AGO1: variants seen among roughly 807,000 people sequenced by gnomAD.
The protein encoded by AGO1 is protein argonaute-1.
AGO1 carries 11 observed loss-of-function variants against 109.2 expected under a neutral mutation model. The ratio of observed to expected loss-of-function variants is 0.10; its 90% CI spans 0.06 to 0.17. The LOEUF is 0.17. Ranked by LOEUF, AGO1 falls within the 10% of genes least tolerant of loss-of-function variation. AGO1 has a pLI of 1.00. For synonymous variants in AGO1, 422 were observed against 418.6 expected (o/e 1.01, Z -0.10); for missense variants, 574 against 1,140.3 (o/e 0.50, Z 7.15).
In AGO1 at chr1:35,901,883, A is replaced by C; in HGVS notation, c.1141-65A>C. 1.3e-6 allele frequency: 2 copies of C among 1,525,420 alleles called. No individual in the cohort carries two copies. Among genetic ancestry groups the C allele is most frequent in the Non-Finnish European group, 8.8e-7 (1 of 1,137,970 alleles). The allele number at this position is 1,525,420 out of a possible 1,614,324, so 94.5% of individuals were successfully genotyped here. A position where few individuals can be genotyped will look rare whatever the true frequency, so the allele number is the denominator to read the frequency against. On this transcript the variant is annotated intron_variant, in intron 9 of 18. Coordinates refer to ENST00000373204, the MANE Select transcript of AGO1 (RefSeq NM_012199.5). This position sits in a 1 kb window ranked among gnomAD's most constrained non-coding sequence, Gnocchi z 4.8. ...TTCTCCTTAGGGTTCTCTCCTTGAT[A>C]CCCAGAGGGTGAGCAGTATTGCCAA...
rs1645862149 is a variant in AGO1 at position 35,923,087 on chromosome 1, T to TGATCC, written c.*3481_*3485dup. ...CTTTGATTGTTTATCCAGTCCAACC[T>TGATCC]GATCCATTAGGGATCGAGGTGCTAC... On this transcript the variant is annotated 3_prime_UTR_variant, in exon 19 of 19. Transcript: ENST00000373204. 6.6e-6 allele frequency: 1 copy of TGATCC among 152,200 alleles called. No homozygotes were observed. The highest frequency in any genetic ancestry group is 2.1e-4 in the South Asian group (1 of 4,832). 9.4% of individuals were successfully genotyped at this position (152,200 alleles called of 1,614,324 possible).
Position 35,921,033 on chromosome 1 carries a change from G to T in AGO1, c.*1426G>T. On this transcript the variant is annotated 3_prime_UTR_variant, in exon 19 of 19. Coordinates refer to ENST00000373204, the MANE Select transcript of AGO1 (RefSeq NM_012199.5). ...GTTATCGCCCCAAGATGGGGTCCAG[G>T]CTCCATCCTTCCTCTGTGCAGATAA... is the stretch of plus-strand genomic sequence containing the variant. 1 of 152,930 alleles carries T rather than the reference G, an allele frequency of 6.5e-6. No homozygotes were observed. The highest frequency in any genetic ancestry group is 1.5e-5 in the Non-Finnish European group (1 of 68,258). The allele number at this position is 152,930 out of a possible 1,614,324, so 9.5% of individuals were successfully genotyped here. A position where few individuals can be genotyped will look rare whatever the true frequency, so the allele number is the denominator to read the frequency against.
rs1645245042 is a variant in AGO1 at position 35,892,785 on chromosome 1, A to C, written c.330+108A>C. The C allele has an allele frequency of 1.9e-6, 3 of 1,540,738 alleles. No individual in the cohort carries two copies. In the African/African-American group the frequency reaches 4.1e-5, roughly 21 times the overall value. On this transcript the variant is annotated intron_variant, in intron 3 of 18. Transcript: ENST00000373204. ...ATCCTTTTCATCTTTTGTGCTGAGA[A>C]AGTATGTTTTAGGGTGAGGGGTGGG...
intron 1 of AGO1, chr1:35,869,981 ACGAC>A (rs1644934279): frequency 6.6e-6 from 1 of 152,154 alleles, no homozygotes; most frequent in African/African-American, 2.4e-5. Flanking sequence ...AGCGTGGGGA[ACGAC>A]CTGTTGTTGG....
chr1:35,919,021 C>G lies in AGO1; in HGVS notation c.2266-34C>G. 1 of 1,600,810 alleles carries G rather than the reference C, an allele frequency of 6.2e-7. No individual in the cohort carries two copies. The stretch of plus-strand genomic sequence containing the variant: ...CCTATTATCAGCCATCTTCTCTGCC[C>G]AGCCTGGGACCCCTCACCTTCCTAT... On this transcript the variant is annotated intron_variant, in intron 17 of 18. Coordinates refer to ENST00000373204, the MANE Select transcript of AGO1 (RefSeq NM_012199.5). The surrounding 1 kb of genome is among the most constrained non-coding windows in gnomAD (Gnocchi z 6.6).
At position 35,906,938 on chromosome 1, in the gene AGO1, C is replaced by T. The variant is rs1199479145; in HGVS notation, c.1401C>T (p.Asn467=). The T allele has an allele frequency of 6.2e-7, 1 of 1,610,278 alleles. No homozygotes were observed. The highest frequency in any genetic ancestry group is 1.3e-5 in the African/African-American group (1 of 74,862). ...TTGTGACCATGCGTGTGTACAGGAA[C>T]TTCACAGACCAGCTGCGGAAGATTT... ...QKQCREEVLK[N]FTDQLRKISK... The change falls in exon 12 of 19, where the codon AAC becomes AAT. Residue 467 remains asparagine (N), a synonymous_variant. Coordinates refer to ENST00000373204, the MANE Select transcript of AGO1 (RefSeq NM_012199.5).
chr1:35,894,495 T>C, intron 7 of AGO1, 93 bp downstream of exon 7: 1 of 1,288,864 alleles, frequency 7.8e-7, no homozygotes, highest in Non-Finnish European at 1.1e-6. Flanking sequence ...CCACTGGCCT[T>C]GAGAATGAGC....
chr1:35,876,792 G>GT (rs1644996476), intron 1 of AGO1, among the ~76,000 whole-genome samples: 1 of 152,124 alleles, frequency 6.6e-6, no homozygotes. Context: ...AGAGAATTTT[G>GT]TTTTTTAAGA....
intron 15 of AGO1, 94 bp downstream of exon 15, chr1:35,915,636 T>A: frequency 3.3e-6 from 4 of 1,209,814 alleles, no homozygotes; most frequent in Non-Finnish European, 4.6e-6. Context: ...GAGAGGTGTG[T>A]CACTTCTTAG....
In AGO1 at chr1:35,907,089, G is replaced by C; in HGVS notation, c.1552G>C (p.Val518Leu). The C allele has an allele frequency of 6.2e-7, 1 of 1,613,878 alleles. No individual in the cohort carries two copies. Among genetic ancestry groups the C allele is most frequent in the East Asian group, 2.2e-5 (1 of 44,870 alleles). ...NTYSGLQLII[V>L]ILPGKTPVYA... is the part of the protein sequence containing the mutation. ...CTACTCAGGGCTGCAGCTCATTATT[G>C]TCATCCTGCCAGGGAAGACGCCGGT... The change falls in exon 12 of 19, where the codon GTC becomes CTC. Residue 518 changes from valine (V) to leucine (L), a missense_variant. Transcript: ENST00000373204.
chr1:35,882,832 G>A (rs1026498239), upstream of AGO1: 11 of 985,298 alleles, frequency 1.1e-5, no homozygotes, highest in Non-Finnish European at 1.3e-5. The surrounding 1 kb of genome is among the most constrained non-coding windows in gnomAD (Gnocchi z 5.1). Flanking sequence ...AGGAGAGGTG[G>A]GAGGCAGGGC....
At position 35,922,346 on chromosome 1, in the gene AGO1, T is replaced by C. The variant is rs1645847914; in HGVS notation, c.*2739T>C. ...CTTGAAAAATACCCCGACCTTGAGA[T>C]TATTCCTGTTTGAAAGGTGGTGCAT... On this transcript the variant is annotated 3_prime_UTR_variant, in exon 19 of 19. Transcript: ENST00000373204. The C allele has an allele frequency of 6.6e-6, 1 of 152,310 alleles. No individual in the cohort carries two copies. The highest frequency in any genetic ancestry group is 2.4e-5 in the African/African-American group (1 of 41,446). 9.4% of individuals were successfully genotyped at this position (152,310 alleles called of 1,614,324 possible). A position where few individuals can be genotyped will look rare whatever the true frequency, so the allele number is the denominator to read the frequency against.
At chr1:35,896,606 G>C (rs1336890839) in intron 8 of AGO1, among the ~76,000 whole-genome samples, 1 of 151,754 alleles carries the variant, frequency 6.6e-6, no homozygotes, top group Non-Finnish European at 1.5e-5. Context: ...TGATCTGCCT[G>C]CCTCGGCCTC....
chr1:35,893,848 G>T lies in AGO1; in HGVS notation c.649+38G>T. On this transcript the variant is annotated intron_variant, in intron 5 of 18. Transcript: ENST00000373204. The surrounding 1 kb of genome is among the most constrained non-coding windows in gnomAD (Gnocchi z 5.6). ...AGCTATGGAGCCAGGGGCACCCCAA[G>T]TCCAGTGACCACACTCCCAGCCTCA... The T allele has an allele frequency of 6.3e-7, 1 of 1,594,058 alleles. No individual in the cohort carries two copies.
chr1:35,921,098 C>G lies in AGO1; in HGVS notation c.*1491C>G, dbSNP rs1645824277. 1.3e-5 allele frequency: 2 copies of G among 152,788 alleles called. No individual in the cohort carries two copies. Among genetic ancestry groups the G allele is most frequent in the African/African-American group, 4.8e-5 (2 of 41,382 alleles). The allele number at this position is 152,788 out of a possible 1,614,324, so 9.5% of individuals were successfully genotyped here. A position where few individuals can be genotyped will look rare whatever the true frequency, so the allele number is the denominator to read the frequency against. ...TATAGCCTCCCTCCTCTGCACTGTC[C>G]TGCACTCTTTCTTGCAAGTGCATCT... On this transcript the variant is annotated 3_prime_UTR_variant, in exon 19 of 19. Coordinates refer to ENST00000373204, the MANE Select transcript of AGO1 (RefSeq NM_012199.5).
intron 12 of AGO1, among the ~76,000 whole-genome samples, chr1:35,907,349 G>A (rs975849994): frequency 3.3e-5 from 5 of 152,214 alleles, no homozygotes; most frequent in Middle Eastern, 6.8e-3. Context: ...TCCTTTGTGT[G>A]CTGGTCCTCA....
intron 1 of AGO1, among the ~76,000 whole-genome samples, chr1:35,871,164 A>G (rs1051493646): frequency 3.3e-5 from 5 of 152,158 alleles, no homozygotes; most frequent in Non-Finnish European, 7.3e-5. Context: ...CACTCCCACC[A>G]ACAGATCATT....
intron 7 of AGO1, 24 bp from the exon 8 acceptor site, chr1:35,895,098 C>G (rs764918761): frequency 6.3e-6 from 10 of 1,592,768 alleles, no homozygotes; most frequent in South Asian, 4.5e-5. Context: ...TATGACACCC[C>G]CTTCCTTCCC....
intron 11 of AGO1, among the ~76,000 whole-genome samples, chr1:35,906,361 C>T (rs1645519262): frequency 6.6e-6 from 1 of 152,208 alleles, no homozygotes; most frequent in Non-Finnish European, 1.5e-5. Flanking sequence ...TTGAGCGGGG[C>T]AAGGTGGGAA....
Sources: gnomAD v4.1 joint callset for allele counts (sites outside exome capture counted in the v4.1 genomes callset) on GRCh38, gnomAD v4.1.1 for gene constraint, Gnocchi (gnomAD v3.1) non-coding constraint, MANE v1.5 for transcripts, NCBI Gene and HGNC (gene_info 2026-07-23, HGNC 2026-07-21) for gene names.